Variants in OLFML2A observed in about 807,000 individuals in gnomAD.
OLFML2A encodes the protein olfactomedin-like protein 2A.
A neutral mutation model predicts 60.9 loss-of-function variants in OLFML2A; 47 were observed. The observed-to-expected ratio is 0.77, with a 90% CI of 0.61 to 0.98. The LOEUF is 0.98. OLFML2A is among the 50% of genes least tolerant of loss of function. The probability of loss-of-function intolerance (pLI) is 0.00; values close to 1 mark genes in which losing one functional copy is unlikely to be tolerated. For synonymous variants in OLFML2A, 372 were observed against 375.0 expected (o/e 0.99, Z 0.09); for missense variants, 922 against 879.8 (o/e 1.05, Z -0.61).
rs534548756 is a variant in OLFML2A, at chr9:124,809,927, C to G, written c.1474C>G (p.Arg492Gly). The G allele has an allele frequency of 8.1e-6, 13 of 1,614,194 alleles. No individual in the cohort carries two copies. The East Asian group carries it at 1.6e-4, about 19-fold the overall frequency. Residue 492 changes from arginine (R) to glycine (G), a missense_variant, in exon 8 of 8, where the codon CGG (arginine) becomes GGG (glycine). Transcript: ENST00000373580. ...CAAGAACATCATCAAGTACGACCTACGGCAGCGCTTCGTGGCCTCCTGGGC... is the reference window on the plus strand; with the variant it reads ...CAAGAACATCATCAAGTACGACCTAGGGCAGCGCTTCGTGGCCTCCTGGGC... ...FTKNIIKYDL[R>G]QRFVASWALL...
intron 6 of OLFML2A, among the ~76,000 whole-genome samples, chr9:124,807,575 G>A (rs1409534275): frequency 2.0e-5 from 3 of 152,176 alleles, no homozygotes; most frequent in Admixed American, 1.3e-4. Context: ...CAGCCATTGC[G>A]CCTGGCCTCC....
At position 124,801,655 on chromosome 9, in the gene OLFML2A, C is replaced by T. The variant is rs1350078440; in HGVS notation, c.911C>T (p.Ala304Val). 8.1e-6 allele frequency: 13 copies of T among 1,612,626 alleles called. No individual in the cohort carries two copies. Among genetic ancestry groups the T allele is most frequent in the South Asian group, 4.4e-5 (4 of 91,064 alleles). The part of the protein sequence containing the change: ...YKAGKQEVTE[A>V]VADNTLQGTS... The stretch of plus-strand genomic sequence containing the variant: ...GCAGGCAAGCAGGAGGTGACCGAGG[C>T]GGTGGCAGGTGAGTAGGAGGGGAAT... The change falls in exon 5 of 8, where the codon GCG (alanine) becomes GTG (valine). Residue 304 changes from alanine to valine, a missense_variant. Transcript: ENST00000373580.
Position 124,807,986 on chromosome 9 carries a change from G to T in OLFML2A, c.1354+20G>T. The stretch of plus-strand genomic sequence containing the variant: ...AGCAAGGTCAGGGACCCCCGGAGGT[G>T]GAGAGGGGGCTGGGTATGGACAACC... On this transcript the variant is annotated intron_variant, in intron 7 of 7. Transcript: ENST00000373580. The T allele has an allele frequency of 6.2e-7, 1 of 1,606,104 alleles. No individual in the cohort carries two copies. Among genetic ancestry groups the T allele is most frequent in the Non-Finnish European group, 8.5e-7 (1 of 1,173,664 alleles).
Position 124,801,471 on chromosome 9 carries a change from T to G in OLFML2A, c.727T>G (p.Phe243Val). 1 of 1,614,064 alleles carries G rather than the reference T, an allele frequency of 6.2e-7. No individual in the cohort carries two copies. The highest frequency in any genetic ancestry group is 8.5e-7 in the Non-Finnish European group (1 of 1,180,010). Residue 243 changes from phenylalanine (F) to valine (V), a missense_variant, in exon 5 of 8, where the codon TTT becomes GTT. Transcript: ENST00000373580. ...CAAGTATGGCAGTGTGCAGAAAAGC[T>G]TTGCAGACAGAGGCCTCCCAAAACC... is the stretch of plus-strand genomic sequence containing the variant. The part of the protein sequence containing the change: ...ISKYGSVQKS[F>V]ADRGLPKPPK...
intron 1 of OLFML2A, among the ~76,000 whole-genome samples, chr9:124,785,721 C>A (rs143474612): frequency 5.3e-4 from 80 of 152,174 alleles, no homozygotes; most frequent in African/African-American, 1.9e-3. Flanking sequence ...ATTTTCAATT[C>A]TCTTGGGTAT....
At position 124,777,795 on chromosome 9, in the gene OLFML2A, G is replaced by A. The variant is rs1296826949; in HGVS notation, c.90+435G>A. Among the ~76,000 whole-genome samples the A allele has an allele frequency of 1.3e-5, 2 of 152,124 alleles. No individual in the cohort carries two copies. The highest frequency in any genetic ancestry group is 6.5e-5 in the Admixed American group (1 of 15,276). On this transcript the variant is annotated intron_variant, in intron 1 of 7. Coordinates refer to ENST00000373580, the MANE Select transcript of OLFML2A (RefSeq NM_182487.4). The surrounding 1 kb of genome is among the most constrained non-coding windows in gnomAD (Gnocchi z 6.2). Reference sequence around the variant, plus strand: ...CTACCCGATGAACGCAGCCGCGCTGGCCACTCGCCTGGCCTCTGATGTTCT... The same window carrying A: ...CTACCCGATGAACGCAGCCGCGCTGACCACTCGCCTGGCCTCTGATGTTCT...
intron 2 of OLFML2A, 115 bp downstream of exon 2, chr9:124,787,353 C>A: frequency 9.7e-7 from 1 of 1,026,090 alleles, no homozygotes; most frequent in Non-Finnish European, 1.4e-6. Context: ...TGCCCCATTT[C>A]ACAGATGAGG....
At chr9:124,803,430 T>C (rs1368201168) in intron 5 of OLFML2A, among the ~76,000 whole-genome samples, 1 of 151,812 alleles carries the variant, frequency 6.6e-6, no homozygotes, top group Non-Finnish European at 1.5e-5. Context: ...ACCTGGCTAA[T>C]TTTTTCTATT....
chr9:124,794,689 T>C (rs982367395), intron 2 of OLFML2A, among the ~76,000 whole-genome samples: 2 of 152,180 alleles, frequency 1.3e-5, no homozygotes, highest in African/African-American at 4.8e-5. Context: ...TGGCGTGATC[T>C]CGGCTCACTG....
Position 124,799,462 on chromosome 9 carries a change from C to T in OLFML2A, c.640C>T (p.Pro214Ser), listed in dbSNP as rs759584919. 30 of 1,605,618 alleles carry T rather than the reference C, an allele frequency of 1.9e-5. No homozygotes were observed. Among genetic ancestry groups the T allele is most frequent in the Non-Finnish European group, 2.5e-5 (29 of 1,176,968 alleles). The change falls in exon 4 of 8, where the codon CCT (proline) becomes TCT (serine). Residue 214 changes from proline to serine, a missense_variant. By Grantham distance (74) the Pro-to-Ser change is moderately conservative (BLOSUM62 -1). Coordinates refer to ENST00000373580, the MANE Select transcript of OLFML2A (RefSeq NM_182487.4). Reference sequence around the variant, plus strand: ...GGATGCCGCCGCCGCCCCTGCCACCCCTGCCACGGGCACTGGTAGCAAGGC... The same window carrying T: ...GGATGCCGCCGCCGCCCCTGCCACCTCTGCCACGGGCACTGGTAGCAAGGC... ...QKDAAAAPAT[P>S]ATGTGSKAQD... is the part of the protein sequence containing the mutation.
chr9:124,791,663 G>A (rs371700897), intron 2 of OLFML2A, among the ~76,000 whole-genome samples: 3 of 150,594 alleles, frequency 2.0e-5, no homozygotes, highest in African/African-American at 7.4e-5. Flanking sequence ...GCTTGAACAC[G>A]GGAGGCAGAG....
chr9:124,787,593 T>C (rs1238131948), intron 2 of OLFML2A, among the ~76,000 whole-genome samples: 1 of 139,466 alleles, frequency 7.2e-6, no homozygotes, highest in South Asian at 2.3e-4. Context: ...AGAGTCTCGC[T>C]CTGTCACCCA....
intron 1 of OLFML2A, among the ~76,000 whole-genome samples, chr9:124,783,410 G>A (rs760211073): frequency 1.3e-5 from 2 of 152,008 alleles, no homozygotes; most frequent in Non-Finnish European, 2.9e-5. Context: ...AGGTCAAGGT[G>A]TGATAAGGCC....
At chr9:124,800,742 T>C (rs1482683595) in intron 4 of OLFML2A, 3 of 946,840 alleles carry the variant, frequency 3.2e-6, no homozygotes, top group African/African-American at 1.7e-5. Context: ...CCAGCTACTG[T>C]ACTTGCCGTA....
chr9:124,799,585 G>T (rs1174543723), intron 4 of OLFML2A, 94 bp downstream of exon 4: 2 of 1,033,874 alleles, frequency 1.9e-6, no homozygotes, highest in East Asian at 2.6e-5. Context: ...CTCGATGGGG[G>T]TTTGGGGCTG....
At chr9:124,793,512 C>T (rs1023988001) in intron 2 of OLFML2A, among the ~76,000 whole-genome samples, 3 of 152,314 alleles carry the variant, frequency 2.0e-5, no homozygotes, top group Admixed American at 2.0e-4. Flanking sequence ...ATGATATCTC[C>T]CCTGCCGAAT....
At chr9:124,784,467 G>T (rs1308820900) in intron 1 of OLFML2A, among the ~76,000 whole-genome samples, 1 of 152,130 alleles carries the variant, frequency 6.6e-6, no homozygotes, top group African/African-American at 2.4e-5. Context: ...CTCCCAAAGT[G>T]CTGGGATTAC....
At chr9:124,786,370 C>A (rs2131247249) in intron 1 of OLFML2A, among the ~76,000 whole-genome samples, 1 of 152,116 alleles carries the variant, frequency 6.6e-6, no homozygotes, top group East Asian at 1.9e-4. Flanking sequence ...CTGCAGTGAG[C>A]CATGATCAGG....
chr9:124,797,500 G>C (rs1323827525), intron 3 of OLFML2A, among the ~76,000 whole-genome samples: 1 of 152,166 alleles, frequency 6.6e-6, no homozygotes, highest in African/African-American at 2.4e-5. Flanking sequence ...GCTGCCTCTT[G>C]GTCCCTGAAC....
Sources: gnomAD v4.1 joint callset for allele counts (sites outside exome capture counted in the v4.1 genomes callset) on GRCh38, gnomAD v4.1.1 for gene constraint, Gnocchi (gnomAD v3.1) non-coding constraint, MANE v1.5 for transcripts, NCBI Gene and HGNC (gene_info 2026-07-23, HGNC 2026-07-21) for gene names.